Variants in CHST11 observed in about 807,000 individuals in gnomAD.
CHST11 encodes the protein carbohydrate sulfotransferase 11.
In CHST11, 9 loss-of-function variants were observed where a neutral mutation model predicts 30.4. That is an observed-to-expected ratio of 0.30 (90% CI 0.18 to 0.52). The LOEUF is 0.52. CHST11 is among the 20% of genes least tolerant of loss of function. The pLI is 0.97. For synonymous variants in CHST11, 152 were observed against 187.8 expected (o/e 0.81, Z 1.56); for missense variants, 348 against 460.6 (o/e 0.76, Z 2.24).
intron 2 of CHST11, among the ~76,000 whole-genome samples, chr12:104,657,591 G>A (rs779005101): frequency 2.4e-4 from 37 of 152,142 alleles, no homozygotes; most frequent in Admixed American, 4.6e-4. Flanking sequence ...GAGCATGGGA[G>A]AAATAATGCA....
chr12:104,581,023 C>T (rs1284429753), intron 1 of CHST11, among the ~76,000 whole-genome samples: 1 of 152,186 alleles, frequency 6.6e-6, no homozygotes, highest in African/African-American at 2.4e-5. Flanking sequence ...ATCTGAGTGC[C>T]TTTTCTGCCT....
chr12:104,751,745 C>T (rs935067219), intron 2 of CHST11, among the ~76,000 whole-genome samples: 15 of 152,320 alleles, frequency 9.8e-5, no homozygotes, highest in Non-Finnish European at 2.2e-4. Context: ...TTGCTGTAGT[C>T]ACCACCCCTG....
chr12:104,550,175 C>T (rs1844432608), intron 1 of CHST11, among the ~76,000 whole-genome samples: 1 of 152,190 alleles, frequency 6.6e-6, no homozygotes, highest in South Asian at 2.1e-4. Flanking sequence ...GCTTTCCAGT[C>T]TAGAGCTTAC....
chr12:104,602,119 T>A, intron 2 of CHST11, 128 bp downstream of exon 2: 1 of 672,884 alleles, frequency 1.5e-6, no homozygotes, highest in Non-Finnish European at 2.6e-6. Flanking sequence ...TTACCTTCAG[T>A]GGTTGCTTTC....
intron 1 of CHST11, among the ~76,000 whole-genome samples, chr12:104,585,941 G>A (rs1592778455): frequency 1.3e-5 from 2 of 152,150 alleles, no homozygotes; most frequent in South Asian, 4.1e-4. Flanking sequence ...GTGTCTCTGT[G>A]GGTCCCCTCC....
At chr12:104,606,411 A>G (rs1382462087) in intron 2 of CHST11, among the ~76,000 whole-genome samples, 1 of 152,192 alleles carries the variant, frequency 6.6e-6, no homozygotes, top group Non-Finnish European at 1.5e-5. Context: ...CTATTTACTA[A>G]ATGTATAATA....
chr12:104,660,860 T>G (rs1474539527), intron 2 of CHST11, among the ~76,000 whole-genome samples: 1 of 152,200 alleles, frequency 6.6e-6, no homozygotes, highest in African/African-American at 2.4e-5. Flanking sequence ...GAGTTATAGT[T>G]AAAGGATGCT....
chr12:104,464,164 C>G (rs557333472), intron 1 of CHST11, among the ~76,000 whole-genome samples: 47 of 150,688 alleles, frequency 3.1e-4, no homozygotes, highest in African/African-American at 1.1e-3. Flanking sequence ...GCCTCCTGGG[C>G]CCAAGCAATT....
intron 2 of CHST11, among the ~76,000 whole-genome samples, chr12:104,727,638 C>G (rs2040226256): frequency 6.6e-6 from 1 of 152,224 alleles, no homozygotes; most frequent in African/African-American, 2.4e-5. Context: ...AGTTAATCAA[C>G]TGATTTTATA....
chr12:104,471,172 T>C (rs1401509221), intron 1 of CHST11, among the ~76,000 whole-genome samples: 1 of 152,188 alleles, frequency 6.6e-6, no homozygotes, highest in East Asian at 1.9e-4. Context: ...CTGTGGTACT[T>C]TGTGTGTGTA....
chr12:104,627,911 C>G (rs544933457), intron 2 of CHST11, among the ~76,000 whole-genome samples: 1 of 152,126 alleles, frequency 6.6e-6, no homozygotes, highest in South Asian at 2.1e-4. Context: ...CTTGAACACT[C>G]GCTCTGTGCT....
At chr12:104,589,400 CAAAAA>C (rs35359633) in intron 1 of CHST11, among the ~76,000 whole-genome samples, 3 of 124,336 alleles carry the variant, frequency 2.4e-5, no homozygotes, top group East Asian at 2.2e-4. Context: ...GATCTTGTCT[CAAAAA>C]AAAAAAAAAA....
chr12:104,519,505 G>A lies in CHST11; in HGVS notation c.118+61976G>A, dbSNP rs561222794. 8.5e-5 allele frequency among the ~76,000 whole-genome samples: 13 copies of A among 152,234 alleles called. No individual in the cohort carries two copies. The South Asian group carries it at 2.3e-3, about 27-fold the overall frequency. On this transcript the variant is annotated intron_variant, in intron 1 of 2. Coordinates refer to ENST00000303694, the MANE Select transcript of CHST11 (RefSeq NM_018413.6). ...TTTTGACCTCAGTGGGGATAGGTTT[G>A]GTTAGAGGGTTGGGTAGAACCCCCT...
intron 1 of CHST11, among the ~76,000 whole-genome samples, chr12:104,585,473 T>G (rs894721745): frequency 7.2e-5 from 11 of 152,256 alleles, no homozygotes; most frequent in African/African-American, 2.4e-4. Context: ...AAATGGGAAC[T>G]AATTATGGCT....
Position 104,738,333 on chromosome 12 carries a change from A to G in CHST11, c.205-18616A>G, listed in dbSNP as rs1205035496. ...GCTGCACTCCCTGTTCCCCCACCCAATCCTCTCTTAGATGGCCTTCGGCGC... is the reference window on the plus strand; with the variant it reads ...GCTGCACTCCCTGTTCCCCCACCCAGTCCTCTCTTAGATGGCCTTCGGCGC... On this transcript the variant is annotated intron_variant, in intron 2 of 2. Transcript: ENST00000303694. Among the ~76,000 whole-genome samples, 9 of 151,758 alleles carry G rather than the reference A, an allele frequency of 5.9e-5. 1 individual carries two copies. The South Asian group carries it at 1.2e-3, about 21-fold the overall frequency.
At chr12:104,743,469 C>T (rs1475380444) in intron 2 of CHST11, among the ~76,000 whole-genome samples, 4 of 152,150 alleles carry the variant, frequency 2.6e-5, no homozygotes, top group Non-Finnish European at 4.4e-5. Context: ...GGAAGGCACC[C>T]CCTTACTATC....
chr12:104,529,215 T>C (rs2038157434), intron 1 of CHST11, among the ~76,000 whole-genome samples: 1 of 152,176 alleles, frequency 6.6e-6, no homozygotes, highest in African/African-American at 2.4e-5. Flanking sequence ...CTGGAGAGAT[T>C]GTTAGGTCTG....
intron 2 of CHST11, among the ~76,000 whole-genome samples, chr12:104,674,638 A>G (rs781384769): frequency 5.9e-5 from 9 of 152,334 alleles, no homozygotes; most frequent in Middle Eastern, 3.4e-3. Flanking sequence ...ATAAATGTTT[A>G]TAGAATTAAT....
At chr12:104,571,618 A>G (rs570611557) in intron 1 of CHST11, among the ~76,000 whole-genome samples, 1 of 152,342 alleles carries the variant, frequency 6.6e-6, no homozygotes, top group South Asian at 2.1e-4. Flanking sequence ...AGGAAGTGGC[A>G]GCTCAGGTCT....
Sources: allele counts gnomAD v4.1 joint callset (sites outside exome capture counted in the v4.1 genomes callset), GRCh38; gene constraint gnomAD v4.1.1; transcripts MANE v1.5; gene names NCBI Gene and HGNC (gene_info 2026-07-23, HGNC 2026-07-21).